TNS3: variants seen among roughly 807,000 people sequenced by gnomAD.
TNS3 encodes tensin 3.
TNS3 carries 45 observed loss-of-function variants against 140.9 expected under a neutral mutation model. That is an observed-to-expected ratio of 0.32 (90% confidence interval 0.25 to 0.41). The LOEUF is 0.41. Ranked by LOEUF, TNS3 falls within the 10% of genes least tolerant of loss-of-function variation. The pLI, the probability that TNS3 is intolerant of heterozygous loss-of-function variation, is 1.00. For synonymous variants in TNS3, 815 were observed against 788.4 expected (o/e 1.03, Z -0.56); for missense variants, 1,716 against 1,906.7 (o/e 0.90, Z 1.86).
intron 1 of TNS3, among the ~76,000 whole-genome samples, chr7:47,574,794 G>A (rs1433690519): frequency 2.0e-5 from 3 of 152,082 alleles, no homozygotes; most frequent in African/African-American, 4.8e-5. Flanking sequence ...CTTGTATGAG[G>A]CACCCGATGT....
intron 2 of TNS3, among the ~76,000 whole-genome samples, chr7:47,512,544 T>C (rs1428933070): frequency 1.3e-5 from 2 of 151,650 alleles, no homozygotes; most frequent in African/African-American, 4.8e-5. Context: ...CATGTGAGAG[T>C]TCTTACAAAA....
At chr7:47,527,849 G>A (rs1799254461) in intron 2 of TNS3, among the ~76,000 whole-genome samples, 1 of 151,792 alleles carries the variant, frequency 6.6e-6, no homozygotes, top group Non-Finnish European at 1.5e-5. Context: ...CAAGGCTGCA[G>A]TGAGCCCTGA....
intron 4 of TNS3, chr7:47,470,358 C>T (rs1005733354): frequency 1.1e-5 from 9 of 784,760 alleles, no homozygotes; most frequent in South Asian, 1.2e-4. Flanking sequence ...ACTTTAAAAA[C>T]AACTTTAAAA....
Position 47,368,711 on chromosome 7 carries a change from C to T in TNS3, c.1935G>A (p.Arg645=). 6 of 1,579,472 alleles carry T rather than the reference C, an allele frequency of 3.8e-6. No individual in the cohort carries two copies. Among genetic ancestry groups the T allele is most frequent in the Non-Finnish European group, 5.2e-6 (6 of 1,162,456 alleles). ...RGTSSRVAVQ[R]GVGSGPHPPD... is the part of the protein sequence containing the mutation. ...GGGGATGTGGCCCACTGCCTACACCCCTCTGGACAGCCACCCTACTGCTGG... is the reference window on the plus strand; with the variant it reads ...GGGGATGTGGCCCACTGCCTACACCTCTCTGGACAGCCACCCTACTGCTGG... The change falls in exon 17 of 31, where the codon AGG becomes AGA. Residue 645 remains arginine, a synonymous_variant. Transcript: ENST00000311160.
intron 4 of TNS3, among the ~76,000 whole-genome samples, chr7:47,467,343 T>C (rs1238845514): frequency 6.6e-6 from 1 of 152,234 alleles, no homozygotes; most frequent in Non-Finnish European, 1.5e-5. Context: ...CAATTAAACA[T>C]GTTTCTCCTT....
chr7:47,530,823 C>CAAAAAAAAAAA (rs781707373), intron 1 of TNS3, among the ~76,000 whole-genome samples: 4 of 45,010 alleles, frequency 8.9e-5, no homozygotes, highest in African/African-American at 2.4e-4. Context: ...AACTCCATCT[C>CAAAAAAAAAAA]AAAAAAAAAA....
At chr7:47,482,994 A>G (rs2151797115) in intron 3 of TNS3, among the ~76,000 whole-genome samples, 2 of 152,220 alleles carry the variant, frequency 1.3e-5, no homozygotes, top group South Asian at 2.1e-4. Context: ...ATAAGGATGG[A>G]CGCACGTCAT....
At chr7:47,370,670 C>T (rs1246525454) in intron 16 of TNS3, among the ~76,000 whole-genome samples, 2 of 152,256 alleles carry the variant, frequency 1.3e-5, no homozygotes, top group Non-Finnish European at 2.9e-5. Flanking sequence ...TTGTAGTCAG[C>T]ACATGCCTCA....
intron 16 of TNS3, among the ~76,000 whole-genome samples, chr7:47,385,077 C>T (rs1322724584): frequency 6.6e-6 from 1 of 152,196 alleles, no homozygotes; most frequent in Non-Finnish European, 1.5e-5. Flanking sequence ...TCAAGTGACG[C>T]CACAGCCAGT....
intron 4 of TNS3, among the ~76,000 whole-genome samples, chr7:47,454,906 C>A (rs1365924534): frequency 6.6e-6 from 1 of 152,150 alleles, no homozygotes; most frequent in African/African-American, 2.4e-5. Flanking sequence ...TGAAAGTGCC[C>A]TGCAGCAGGT....
chr7:47,419,467 G>GC (rs1794257524), intron 10 of TNS3, among the ~76,000 whole-genome samples: 2 of 152,360 alleles, frequency 1.3e-5, no homozygotes, highest in South Asian at 4.1e-4. Flanking sequence ...CCTCCTAGCT[G>GC]CCCTTGGCTA....
At chr7:47,380,006 C>T (rs754059040) in intron 16 of TNS3, among the ~76,000 whole-genome samples, 1 of 152,256 alleles carries the variant, frequency 6.6e-6, no homozygotes, top group Non-Finnish European at 1.5e-5. Flanking sequence ...CCCAGCCACA[C>T]ACTGCCTCTC....
chr7:47,520,622 G>A (rs1243256310), intron 2 of TNS3, among the ~76,000 whole-genome samples: 1 of 152,236 alleles, frequency 6.6e-6, no homozygotes, highest in Admixed American at 6.5e-5. Flanking sequence ...GGAGGCGGCT[G>A]AGAAAGGCTT....
intron 3 of TNS3, among the ~76,000 whole-genome samples, chr7:47,505,148 A>T (rs1798368232): frequency 6.6e-6 from 1 of 152,090 alleles, no homozygotes; most frequent in Non-Finnish European, 1.5e-5. Flanking sequence ...CAGCCGACCC[A>T]AGGTGCAAGC....
At chr7:47,344,900 C>A in intron 19 of TNS3, 24 bp downstream of exon 19, 1 of 1,613,530 alleles carries the variant, frequency 6.2e-7, no homozygotes, top group East Asian at 2.2e-5. Context: ...GCAGCACATG[C>A]AGCTAGTGTT....
chr7:47,420,263 G>A (rs1794303437), intron 10 of TNS3, among the ~76,000 whole-genome samples: 1 of 152,176 alleles, frequency 6.6e-6, no homozygotes, highest in South Asian at 2.1e-4. Flanking sequence ...CTTTCCGCAC[G>A]CACTAGGAGA....
rs1194056223 is a variant in TNS3 at position 47,407,751 on chromosome 7, G to A, written c.723+3976C>T. ...AACTGGTGTCCTTGTAAGAAGAGAT[G>A]AGGACATAGACACACAGAGGGAAGC... On this transcript the variant is annotated intron_variant, in intron 13 of 30. Coordinates refer to ENST00000311160, the MANE Select transcript of TNS3 (RefSeq NM_022748.12). This position sits in a 1 kb window ranked among gnomAD's most constrained non-coding sequence, Gnocchi z 4.1. Among the ~76,000 whole-genome samples, 42 of 152,168 alleles carry A rather than the reference G, an allele frequency of 2.8e-4. No homozygotes were observed. Among genetic ancestry groups the A allele is most frequent in the Non-Finnish European group, 2.9e-5 (2 of 68,026 alleles).
At chr7:47,402,329 G>A (rs749941094) in intron 13 of TNS3, among the ~76,000 whole-genome samples, 3 of 152,236 alleles carry the variant, frequency 2.0e-5, no homozygotes, top group Non-Finnish European at 4.4e-5. Context: ...CAGCGGTGCT[G>A]TAAACATGGG....
chr7:47,477,228 A>G (rs1029705379), intron 4 of TNS3, among the ~76,000 whole-genome samples: 1 of 152,154 alleles, frequency 6.6e-6, no homozygotes, highest in Non-Finnish European at 1.5e-5. Context: ...TTTCAAAACA[A>G]TCATGCCCTC....
Sources: allele counts gnomAD v4.1 joint callset (sites outside exome capture counted in the v4.1 genomes callset), GRCh38; gene constraint gnomAD v4.1.1; non-coding constraint Gnocchi (gnomAD v3.1); transcripts MANE v1.5; gene names NCBI Gene and HGNC (gene_info 2026-07-23, HGNC 2026-07-21).